The following ERICH3 variants were observed in gnomAD, a reference collection of about 807,000 sequenced individuals.
ERICH3 encodes the protein glutamate-rich protein 3.
In ERICH3, 126 loss-of-function variants were observed where a neutral mutation model predicts 131.1. The observed-to-expected ratio is 0.96, with a 90% CI of 0.83 to 1.11. The LOEUF (loss-of-function observed/expected upper bound fraction) is 1.11, where lower values mean the gene tolerates loss of function less well. Among genes scored for constraint, ERICH3 ranks in the 50% most tolerant of loss-of-function variants. ERICH3 has a pLI of 0.00. For missense variants in ERICH3, 2,050 were observed against 1,810.7 expected (o/e 1.13, Z -2.40); for synonymous variants, 695 against 644.6 (o/e 1.08, Z -1.18).
At chr1:74,672,719 A>G (rs1399001747) in intron 1 of ERICH3, among the ~76,000 whole-genome samples, 3 of 152,204 alleles carry the variant, frequency 2.0e-5, no homozygotes, top group Non-Finnish European at 2.9e-5. Flanking sequence ...ATCGTCTAAT[A>G]TGCATTACAT....
At chr1:74,650,889 AAG>A (rs138642191) in intron 1 of ERICH3, among the ~76,000 whole-genome samples, 73 of 143,942 alleles carry the variant, frequency 5.1e-4, no homozygotes, top group South Asian at 6.7e-4. Flanking sequence ...TACACATAGA[AAG>A]AGAGAGAGAG....
chr1:74,589,982 T>A lies in ERICH3; in HGVS notation c.1825A>T (p.Ser609Cys), dbSNP rs1413552524. 1 of 1,614,064 alleles carries A rather than the reference T, an allele frequency of 6.2e-7. No homozygotes were observed. Among genetic ancestry groups the A allele is most frequent in the African/African-American group, 1.3e-5 (1 of 75,056 alleles). Residue 609 changes from serine (S) to cysteine (C), a missense_variant, in exon 12 of 15, where the codon AGC (serine) becomes TGC (cysteine). By Grantham distance (112) the Ser-to-Cys change is moderately radical. Coordinates refer to ENST00000326665, the MANE Select transcript of ERICH3 (RefSeq NM_001002912.5). ...CTTCTGGCACTTTCATCTGTGCTGC[T>A]GTCAGTGTGGGCTTCCCTGTCCCCC... ...AVGDREAHTD[S>C]STDESARRSS...
chr1:74,616,684 T>C (rs1361435827), intron 8 of ERICH3, among the ~76,000 whole-genome samples: 1 of 151,388 alleles, frequency 6.6e-6, no homozygotes, highest in East Asian at 2.0e-4. Flanking sequence ...GGACATAGGG[T>C]CTTCAAAGAT....
At chr1:74,656,940 T>C (rs476332) in intron 1 of ERICH3, among the ~76,000 whole-genome samples, 107,713 of 152,082 alleles carry the variant, frequency 0.71, 39,000 homozygotes, top group African/African-American at 0.85. Flanking sequence ...CACCCTCCTA[T>C]AAGGTGTTGT....
At chr1:74,598,799 T>A (rs147500197) in intron 11 of ERICH3, among the ~76,000 whole-genome samples, 1,525 of 152,006 alleles carry the variant, frequency 0.01, 14 homozygotes, top group Non-Finnish European at 0.013. Flanking sequence ...TTCTCTTATA[T>A]CCTTGTTAGG....
Position 74,573,786 on chromosome 1 carries a change from C to CA in ERICH3, c.2219-296dup, listed in dbSNP as rs534373951. Among the ~76,000 whole-genome samples, 120 of 151,584 alleles carry CA rather than the reference C, an allele frequency of 7.9e-4. No individual in the cohort carries two copies. In the South Asian group the frequency reaches 0.013, roughly 16 times the overall value. On this transcript the variant is annotated intron_variant, in intron 13 of 14. Coordinates refer to ENST00000326665, the MANE Select transcript of ERICH3 (RefSeq NM_001002912.5). ...GATGTTTAAAATAAGCAGCAATAAG[C>CA]AAAAAAAATCTCATGTCCCCATGTC...
At chr1:74,620,347 C>G (rs1649159868) in intron 8 of ERICH3, among the ~76,000 whole-genome samples, 1 of 152,286 alleles carries the variant, frequency 6.6e-6, no homozygotes, top group Admixed American at 6.5e-5. Context: ...CAACATACCT[C>G]TAAAGAACAA....
rs1379944734 is a variant in ERICH3 at position 74,606,620 on chromosome 1, C to A, written c.1470G>T (p.Gln490His). Reference protein sequence around the residue: ...KPGQEVLEDDQENTLKYEYEE... With the variant: ...KPGQEVLEDDHENTLKYEYEE... Reference sequence around the variant, plus strand: ...GATTACCATATTTTAAAGTATTTTCCTGGTCGTCTTCCAAGACTTCTTGTC... The same window carrying A: ...GATTACCATATTTTAAAGTATTTTCATGGTCGTCTTCCAAGACTTCTTGTC... The change falls in exon 10 of 15, where the codon CAG becomes CAT. Residue 490 changes from glutamine to histidine, a missense_variant. Transcript: ENST00000326665. The A allele has an allele frequency of 1.9e-6, 3 of 1,607,258 alleles. No homozygotes were observed. The highest frequency in any genetic ancestry group is 2.5e-6 in the Non-Finnish European group (3 of 1,177,054).
chr1:74,616,168 T>A (rs903364370), intron 8 of ERICH3, among the ~76,000 whole-genome samples: 12 of 151,722 alleles, frequency 7.9e-5, no homozygotes, highest in African/African-American at 2.9e-4. Context: ...TGGCCAGCTA[T>A]ATATATATAC....
intron 14 of ERICH3, among the ~76,000 whole-genome samples, chr1:74,570,791 C>T (rs1037964060): frequency 6.6e-6 from 1 of 152,114 alleles, no homozygotes; most frequent in African/African-American, 2.4e-5. Flanking sequence ...GGCACATTCT[C>T]CTCTGTATTT....
In ERICH3 at chr1:74,670,832, C is replaced by T. The variant is rs534367846; in HGVS notation, c.23+2665G>A. Among the ~76,000 whole-genome samples the T allele has an allele frequency of 8.7e-4, 133 of 152,230 alleles. 1 individual carries two copies. The highest frequency in any genetic ancestry group is 3.0e-3 in the African/African-American group (126 of 41,532). ...TGTAGAGAGCCTACAAATGGACATGCAAGTAGGAGAGAGATTGCTAAATTC... is the reference window on the plus strand; with the variant it reads ...TGTAGAGAGCCTACAAATGGACATGTAAGTAGGAGAGAGATTGCTAAATTC... On this transcript the variant is annotated intron_variant, in intron 1 of 14. Coordinates refer to ENST00000326665, the MANE Select transcript of ERICH3 (RefSeq NM_001002912.5).
At chr1:74,658,170 T>G (rs891708198) in intron 1 of ERICH3, among the ~76,000 whole-genome samples, 1 of 152,206 alleles carries the variant, frequency 6.6e-6, no homozygotes, top group African/African-American at 2.4e-5. Context: ...AGGATTGTTC[T>G]GCTTTAACCA....
chr1:74,631,627 A>T, intron 7 of ERICH3, 86 bp downstream of exon 7: 1 of 1,165,248 alleles, frequency 8.6e-7, no homozygotes, highest in Non-Finnish European at 1.2e-6. Context: ...AATTTCCTCC[A>T]AATTCTTTTA....
intron 12 of ERICH3, among the ~76,000 whole-genome samples, chr1:74,582,662 A>AGG (rs1386690735): frequency 2.3e-4 from 35 of 152,326 alleles, no homozygotes; most frequent in African/African-American, 8.2e-4. Context: ...ATGAAAATTC[A>AGG]GGCCATCACA....
In ERICH3 at chr1:74,572,933, G is replaced by A. The variant is rs1428666958; in HGVS notation, c.2777C>T (p.Ala926Val). The change falls in exon 14 of 15, where the codon GCG (alanine) becomes GTG (valine). Residue 926 changes from alanine to valine, a missense_variant. Physicochemically the swap from Ala to Val is moderately conservative, Grantham distance 64 (BLOSUM62 0). Transcript: ENST00000326665. ...CTCAGCCTCTCCCTCCTCCGATGTC[G>A]CTGCCTCTCTCAGGGCTGCTACTTC... is the stretch of plus-strand genomic sequence containing the variant. Reference protein sequence around the residue: ...LHEVAALREAATSEEGEAEGG... With the variant: ...LHEVAALREAVTSEEGEAEGG... The A allele has an allele frequency of 5.0e-6, 8 of 1,613,826 alleles. No homozygotes were observed. Among genetic ancestry groups the A allele is most frequent in the Non-Finnish European group, 5.1e-6 (6 of 1,179,982 alleles).
intron 1 of ERICH3, among the ~76,000 whole-genome samples, chr1:74,656,592 A>G (rs1350436764): frequency 2.0e-5 from 3 of 152,160 alleles, no homozygotes; most frequent in Non-Finnish European, 4.4e-5. Context: ...CATCAAGTAA[A>G]ATGCTAGGAC....
At chr1:74,599,514 G>A (rs1369976841) in intron 11 of ERICH3, among the ~76,000 whole-genome samples, 181 bp downstream of exon 11, 1 of 151,642 alleles carries the variant, frequency 6.6e-6, no homozygotes, top group African/African-American at 2.4e-5. Flanking sequence ...CGTGTACGAC[G>A]AACCCCCATG....
intron 9 of ERICH3, among the ~76,000 whole-genome samples, chr1:74,611,462 T>G (rs1379990166): frequency 1.3e-5 from 2 of 152,176 alleles, no homozygotes; most frequent in Non-Finnish European, 2.9e-5. Context: ...ACACCCTTGT[T>G]TATTTTTCCC....
At chr1:74,634,491 T>G (rs1276690227) in intron 6 of ERICH3, among the ~76,000 whole-genome samples, 1 of 151,820 alleles carries the variant, frequency 6.6e-6, no homozygotes, top group South Asian at 2.1e-4. Context: ...AATTAGTAAA[T>G]CTATCCAGTG....
Sources: gnomAD v4.1 joint callset for allele counts (sites outside exome capture counted in the v4.1 genomes callset) on GRCh38, gnomAD v4.1.1 for gene constraint, MANE v1.5 for transcripts, NCBI Gene and HGNC (gene_info 2026-07-23, HGNC 2026-07-21) for gene names.